UNC79: variants seen among roughly 807,000 people sequenced by gnomAD.
UNC79 encodes unc-79 subunit of NALCN channel complex, also known as protein unc-79 homolog.
UNC79 carries 37 observed loss-of-function variants against 283.1 expected under a neutral mutation model. The observed-to-expected ratio is 0.13, with a 90% CI of 0.10 to 0.17. The LOEUF is 0.17. Ranked by LOEUF, UNC79 falls within the 10% of genes least tolerant of loss-of-function variation. UNC79 has a pLI of 1.00. For missense variants in UNC79, 2,272 were observed against 3,211.1 expected, an observed-to-expected ratio of 0.71 and a Z score of 7.07; for synonymous variants, 1,107 against 1,200.2, an observed-to-expected ratio of 0.92 and a Z score of 1.61.
At chr14:93,380,721 A>C (rs971086272) in intron 1 of UNC79, among the ~76,000 whole-genome samples, 4 of 152,144 alleles carry the variant, frequency 2.6e-5, no homozygotes, top group African/African-American at 9.7e-5. Flanking sequence ...GTACTCAATC[A>C]ATATTTGTTG....
intron 1 of UNC79, among the ~76,000 whole-genome samples, chr14:93,376,486 C>CTATACACA (rs1011078579): frequency 6.6e-6 from 1 of 152,160 alleles, no homozygotes; most frequent in Non-Finnish European, 1.5e-5. Context: ...TATCTATATC[C>CTATACACA]TATACACATA....
chr14:93,649,794 A>G (rs1197273677), intron 35 of UNC79, among the ~76,000 whole-genome samples: 2 of 152,202 alleles, frequency 1.3e-5, no homozygotes, highest in Non-Finnish European at 2.9e-5. Context: ...AACTATACTC[A>G]CCATATTGTA....
chr14:93,595,280 G>A (rs1194915525), intron 23 of UNC79, among the ~76,000 whole-genome samples: 1 of 151,816 alleles, frequency 6.6e-6, no homozygotes, highest in Non-Finnish European at 1.5e-5. Context: ...ACTAGAGATG[G>A]GGTTTCGCCA....
chr14:93,705,303 G>A (rs1417404453), intron 48 of UNC79, among the ~76,000 whole-genome samples: 1 of 132,112 alleles, frequency 7.6e-6, no homozygotes, highest in Non-Finnish European at 1.6e-5. Context: ...ACTATTTGCA[G>A]TAACAAGATT....
intron 1 of UNC79, among the ~76,000 whole-genome samples, chr14:93,370,396 AC>A (rs1342077992): frequency 6.7e-6 from 1 of 150,042 alleles, no homozygotes; most frequent in Non-Finnish European, 1.5e-5. Context: ...AATCAAAAAC[AC>A]TGTAACAGAA....
intron 7 of UNC79, 47 bp from the exon 8 acceptor site, chr14:93,523,931 G>A (rs2060434717): frequency 6.3e-7 from 1 of 1,597,210 alleles, no homozygotes; most frequent in Admixed American, 1.7e-5. Context: ...ACTAGGGCAT[G>A]AATAATTTCA....
chr14:93,339,314 T>C (rs1349453630), intron 1 of UNC79, among the ~76,000 whole-genome samples: 1 of 152,184 alleles, frequency 6.6e-6, no homozygotes, highest in Non-Finnish European at 1.5e-5. Context: ...TTTTCTTTTT[T>C]TTTGAGACAG....
At chr14:93,529,414 C>A in intron 10 of UNC79, 88 bp downstream of exon 10, 1 of 1,402,126 alleles carries the variant, frequency 7.1e-7, no homozygotes, top group Non-Finnish European at 9.9e-7. Flanking sequence ...TTTTATTTTA[C>A]AAAGACAGTC....
chr14:93,389,870 C>T (rs1458543163), intron 1 of UNC79, among the ~76,000 whole-genome samples: 2 of 152,170 alleles, frequency 1.3e-5, no homozygotes, highest in Non-Finnish European at 2.9e-5. Context: ...CCAGGCTGGT[C>T]TTGAATTCCT....
At chr14:93,388,838 T>TACAA (rs2054828884) in intron 1 of UNC79, among the ~76,000 whole-genome samples, 1 of 152,170 alleles carries the variant, frequency 6.6e-6, no homozygotes, top group Non-Finnish European at 1.5e-5. Flanking sequence ...AGTGGAACAG[T>TACAA]TGGAAGTAAT....
chr14:93,705,972 TG>T (rs995868867), intron 48 of UNC79, among the ~76,000 whole-genome samples: 2 of 152,168 alleles, frequency 1.3e-5, no homozygotes, highest in African/African-American at 4.8e-5. Context: ...GTCGGGGGCA[TG>T]GGCACTGCTG....
At chr14:93,637,186 C>A in intron 31 of UNC79, 30 bp from the exon 35 acceptor site, 1 of 995,958 alleles carries the variant, frequency 1.0e-6, no homozygotes, top group Non-Finnish European at 1.6e-6. Flanking sequence ...ATGACCACAT[C>A]AAAGACTGAA....
intron 1 of UNC79, among the ~76,000 whole-genome samples, chr14:93,361,164 A>C (rs1344015908): frequency 6.8e-6 from 1 of 146,158 alleles, no homozygotes; most frequent in African/African-American, 2.6e-5. Flanking sequence ...GTGAGCTGAA[A>C]TCATGCCACT....
At chr14:93,636,326 TTGGTTCTCG>T (rs2068506235) in intron 31 of UNC79, among the ~76,000 whole-genome samples, 1 of 152,192 alleles carries the variant, frequency 6.6e-6, no homozygotes, top group South Asian at 2.1e-4. Flanking sequence ...ATCCTCCAAA[TTGGTTCTCG>T]TGGTTCTCGA....
chr14:93,375,670 A>C (rs527801875), intron 1 of UNC79, among the ~76,000 whole-genome samples: 2 of 152,268 alleles, frequency 1.3e-5, no homozygotes, highest in Admixed American at 6.5e-5. Context: ...GACATCTCAT[A>C]TGGTGGGAGC....
intron 27 of UNC79, among the ~76,000 whole-genome samples, chr14:93,615,975 T>C (rs1044420192): frequency 2.0e-5 from 3 of 152,082 alleles, no homozygotes; most frequent in Non-Finnish European, 4.4e-5. Context: ...CTGATATATA[T>C]GCCACCTTTT....
chr14:93,613,626 G>A (rs2066472678), intron 27 of UNC79, among the ~76,000 whole-genome samples: 1 of 152,060 alleles, frequency 6.6e-6, no homozygotes, highest in South Asian at 2.1e-4. Flanking sequence ...GTGTTAGCCA[G>A]GATGGTCTTG....
intron 31 of UNC79, among the ~76,000 whole-genome samples, chr14:93,631,406 G>A (rs2068025496): frequency 6.6e-6 from 1 of 152,092 alleles, no homozygotes; most frequent in Non-Finnish European, 1.5e-5. Flanking sequence ...AGTGGAAATG[G>A]CACGACATTT....
intron 1 of UNC79, among the ~76,000 whole-genome samples, chr14:93,424,655 A>G (rs1382956627): frequency 6.6e-6 from 1 of 152,134 alleles, no homozygotes; most frequent in South Asian, 2.1e-4. Context: ...GCACCTAAAA[A>G]TTAAAACAAT....
Sources: gnomAD v4.1 joint callset for allele counts (sites outside exome capture counted in the v4.1 genomes callset) on GRCh38, gnomAD v4.1.1 for gene constraint, MANE v1.5 for transcripts, NCBI Gene and HGNC (gene_info 2026-07-23, HGNC 2026-07-21) for gene names.